The following SLC8A1 variants were observed in gnomAD, a reference collection of about 807,000 sequenced individuals.
The protein encoded by SLC8A1 is sodium/calcium exchanger 1.
A neutral mutation model predicts 68.3 loss-of-function variants in SLC8A1; 18 were observed. The ratio of observed to expected loss-of-function variants is 0.26; its 90% CI spans 0.18 to 0.39. SLC8A1 has a LOEUF of 0.39. Ranked by LOEUF, SLC8A1 falls within the 10% of genes least tolerant of loss-of-function variation. The pLI, the probability that SLC8A1 is intolerant of heterozygous loss-of-function variation, is 1.00. For missense variants in SLC8A1, 985 were observed against 1,156.7 expected, an observed-to-expected ratio of 0.85 and a Z score of 2.15; for synonymous variants, 475 against 415.5, an observed-to-expected ratio of 1.14 and a Z score of -1.74.
At chr2:40,323,561 A>G (rs145993304) in intron 2 of SLC8A1, among the ~76,000 whole-genome samples, 110 of 152,266 alleles carry the variant, frequency 7.2e-4, no homozygotes, top group African/African-American at 2.5e-3. Context: ...TTCCGTAAAT[A>G]TTTGTCTGGC....
intron 2 of SLC8A1, among the ~76,000 whole-genome samples, chr2:40,189,389 C>T (rs781146160): frequency 1.3e-5 from 2 of 152,180 alleles, no homozygotes; most frequent in Non-Finnish European, 1.5e-5. Flanking sequence ...GGTGCAATCT[C>T]GGCTCACTGT....
chr2:40,209,758 G>C (rs1309829009), intron 2 of SLC8A1, among the ~76,000 whole-genome samples: 6 of 152,064 alleles, frequency 3.9e-5, no homozygotes, highest in Non-Finnish European at 8.8e-5. Flanking sequence ...TCTTCTGATT[G>C]CTTCTATTTT....
chr2:40,235,446 T>C (rs2060233630), intron 2 of SLC8A1, among the ~76,000 whole-genome samples: 2 of 152,128 alleles, frequency 1.3e-5, no homozygotes, highest in African/African-American at 4.8e-5. Context: ...GGTGGTGATA[T>C]CCCCTTTATC....
At chr2:40,209,338 C>T (rs145561401) in intron 2 of SLC8A1, 2 of 152,238 alleles carry the variant, frequency 1.3e-5, no homozygotes, top group African/African-American at 4.8e-5. Flanking sequence ...CACATATGTG[C>T]TAAGACAGGA....
chr2:40,247,528 G>C (rs2062047319), intron 2 of SLC8A1, among the ~76,000 whole-genome samples: 2 of 152,132 alleles, frequency 1.3e-5, no homozygotes, highest in African/African-American at 4.8e-5. Context: ...CCTTATGCTA[G>C]AGCACCAGAT....
intron 6 of SLC8A1, among the ~76,000 whole-genome samples, chr2:40,144,526 C>A (rs1409771592): frequency 6.6e-6 from 1 of 150,426 alleles, no homozygotes; most frequent in Non-Finnish European, 1.5e-5. Flanking sequence ...AAGTTTGAGT[C>A]GGAATTTTTT....
At chr2:40,417,338 T>A (rs1694178272) in intron 2 of SLC8A1, among the ~76,000 whole-genome samples, 1 of 152,086 alleles carries the variant, frequency 6.6e-6, no homozygotes, top group Admixed American at 6.6e-5. Context: ...GAGCAACAAC[T>A]TTGGGAAGGT....
rs377206972 is a variant in SLC8A1, at chr2:40,192,085, A to G, written c.1809-14230T>C. Among the ~76,000 whole-genome samples the G allele has an allele frequency of 5.3e-5, 8 of 152,272 alleles. No individual in the cohort carries two copies. In the South Asian group the frequency reaches 1.2e-3, roughly 24 times the overall value. ...CCCACAAGGTTAATATGGAAAACAA[A>G]TAAAATAATTTATATAAGAGATTTT... On this transcript the variant is annotated intron_variant, in intron 2 of 7. Coordinates refer to ENST00000406785, the Ensembl canonical transcript of SLC8A1.
intron 2 of SLC8A1, among the ~76,000 whole-genome samples, chr2:40,266,180 G>A (rs949076391): frequency 2.0e-5 from 3 of 152,098 alleles, no homozygotes; most frequent in Non-Finnish European, 4.4e-5. Flanking sequence ...ATTGCTATAA[G>A]GATGCCTTTT....
intron 1 of SLC8A1, among the ~76,000 whole-genome samples, chr2:40,492,432 G>A (rs1488416890): frequency 9.9e-5 from 15 of 152,170 alleles, no homozygotes; most frequent in Non-Finnish European, 1.9e-4. Context: ...ACATAGGCAC[G>A]GGCAAGAACT....
intron 2 of SLC8A1, 133 bp downstream of exon 3, chr2:40,178,254 C>T: frequency 1.4e-6 from 1 of 730,258 alleles, no homozygotes. Context: ...TGTGGCTCAG[C>T]ATGAGATCTG....
At chr2:40,232,130 A>G (rs2059731377) in intron 2 of SLC8A1, among the ~76,000 whole-genome samples, 1 of 152,162 alleles carries the variant, frequency 6.6e-6, no homozygotes, top group East Asian at 1.9e-4. Context: ...TGAAGGTCAA[A>G]GCACAAAGGA....
chr2:40,100,728 C>T (rs1558379682), exon 8 of SLC8A1: 2 of 152,098 alleles, frequency 1.3e-5, no homozygotes, highest in Non-Finnish European at 2.9e-5. Context: ...GAGAAAATGT[C>T]CTCAGCGACA....
At chr2:40,239,463 T>C (rs938446190) in intron 2 of SLC8A1, among the ~76,000 whole-genome samples, 3 of 152,224 alleles carry the variant, frequency 2.0e-5, no homozygotes, top group South Asian at 2.1e-4. Flanking sequence ...TTTCAACCCA[T>C]TGCATTACAG....
At chr2:40,116,646 A>G (rs1344249750) in intron 7 of SLC8A1, among the ~76,000 whole-genome samples, 2 of 143,026 alleles carry the variant, frequency 1.4e-5, no homozygotes, top group African/African-American at 4.9e-5. Flanking sequence ...CAAGTAGTGG[A>G]TGCAATATCA....
rs183995630 is a variant in SLC8A1 at position 40,148,150 on chromosome 2, C to T, written c.2162-8474G>A. 2.4e-4 allele frequency among the ~76,000 whole-genome samples: 36 copies of T among 152,336 alleles called. No homozygotes were observed. The East Asian group carries it at 6.4e-3, about 27-fold the overall frequency. ...GAAATGTCTCTCCTCCTTAAATTAA[C>T]TCTCTGGATATGATATAATACACAA... On this transcript the variant is annotated intron_variant, in intron 6 of 7. Coordinates refer to ENST00000406785, the Ensembl canonical transcript of SLC8A1.
chr2:40,443,736 T>G (rs1700936354), intron 1 of SLC8A1, among the ~76,000 whole-genome samples: 1 of 152,196 alleles, frequency 6.6e-6, no homozygotes, highest in African/African-American at 2.4e-5. Context: ...TCATATGTCC[T>G]TGGAGAAGTC....
intron 6 of SLC8A1, among the ~76,000 whole-genome samples, chr2:40,151,505 T>C (rs2043428093): frequency 1.3e-5 from 2 of 152,210 alleles, no homozygotes; most frequent in South Asian, 4.1e-4. Flanking sequence ...TTGTTGTTTT[T>C]TTTTATTTAG....
At chr2:40,507,261 T>C (rs1417554083) in intron 1 of SLC8A1, among the ~76,000 whole-genome samples, 1 of 151,942 alleles carries the variant, frequency 6.6e-6, no homozygotes, top group African/African-American at 2.4e-5. Flanking sequence ...GGAAGGGTGT[T>C]AAACATTTCA....
Sources: allele counts gnomAD v4.1 joint callset (sites outside exome capture counted in the v4.1 genomes callset), GRCh38; gene constraint gnomAD v4.1.1; transcripts MANE v1.5; gene names NCBI Gene and HGNC (gene_info 2026-07-23, HGNC 2026-07-21).